FAM184A: variants seen among roughly 807,000 people sequenced by gnomAD.
The protein encoded by FAM184A is family with sequence similarity 184 member A.
Under a neutral mutation model 143.8 loss-of-function variants are expected in FAM184A, and 99 were observed. The ratio of observed to expected loss-of-function variants is 0.69; its 90% CI spans 0.58 to 0.81. The LOEUF (loss-of-function observed/expected upper bound fraction) is 0.81. FAM184A is among the 40% of genes least tolerant of loss of function. FAM184A has a pLI of 0.00. For missense variants in FAM184A, 1,217 were observed against 1,310.5 expected, an observed-to-expected ratio of 0.93 and a Z score of 1.10; for synonymous variants, 427 against 446.4, an observed-to-expected ratio of 0.96 and a Z score of 0.55.
At chr6:119,132,730 C>T (rs936178218) in intron 1 of FAM184A, among the ~76,000 whole-genome samples, 1 of 152,264 alleles carries the variant, frequency 6.6e-6, no homozygotes, top group African/African-American at 2.4e-5. Context: ...TCTTTTGCAA[C>T]ACAGTGACCC....
In FAM184A at chr6:119,004,684, G is replaced by A. The variant is rs190795548; in HGVS notation, c.1816-1062C>T. The stretch of plus-strand genomic sequence containing the variant: ...CTTGGTCTTAAGGAGCTTACGCAGA[G>A]TTGTGGTAAACCAGGATGCAGCATC... On this transcript the variant is annotated intron_variant, in intron 7 of 17. Transcript: ENST00000338891. Among the ~76,000 whole-genome samples, 1,083 of 152,348 alleles carry A rather than the reference G, an allele frequency of 7.1e-3. 4 individuals carry two copies. The highest frequency in any genetic ancestry group is 0.011 in the Non-Finnish European group (761 of 68,036).
At chr6:119,077,177 T>G (rs1787903605) in intron 1 of FAM184A, among the ~76,000 whole-genome samples, 2 of 152,168 alleles carry the variant, frequency 1.3e-5, no homozygotes, top group South Asian at 4.1e-4. Flanking sequence ...CAACCAGCAA[T>G]GGGATTATGT....
At chr6:119,010,097 C>A (rs1785045025) in intron 6 of FAM184A, among the ~76,000 whole-genome samples, 1 of 152,186 alleles carries the variant, frequency 6.6e-6, no homozygotes, top group South Asian at 2.1e-4. Flanking sequence ...GAAAGAGAAG[C>A]AAACAAAACT....
At chr6:119,128,887 GTT>G (rs56356208) in intron 1 of FAM184A, among the ~76,000 whole-genome samples, 15,940 of 150,100 alleles carry the variant, frequency 0.11, 987 homozygotes, top group East Asian at 0.26. Context: ...TCCCTTACTA[GTT>G]TTTTTTTTTC....
Position 119,078,008 on chromosome 6 carries a change from T to C in FAM184A, c.159+133A>G, listed in dbSNP as rs545957198. 5 of 1,079,660 alleles carry C rather than the reference T, an allele frequency of 4.6e-6. No individual in the cohort carries two copies. In the Admixed American group the frequency reaches 1.3e-4, roughly 28 times the overall value. The allele number at this position is 1,079,660 out of a possible 1,614,324, so 66.9% of individuals were successfully genotyped here. A position where few individuals can be genotyped will look rare whatever the true frequency, so the allele number is the denominator to read the frequency against. ...AAGTTTGCAGGGTTTTGGAGGTGTC[T>C]CCGGCTGTTGCTTCGGCGGAGGAGT... On this transcript the variant is annotated intron_variant, in intron 1 of 17. Transcript: ENST00000338891. The surrounding 1 kb of genome is among the most constrained non-coding windows in gnomAD (Gnocchi z 5.5).
intron 9 of FAM184A, among the ~76,000 whole-genome samples, chr6:118,997,646 A>T (rs537352529): frequency 2.6e-5 from 4 of 151,896 alleles, no homozygotes; most frequent in Non-Finnish European, 4.4e-5. Flanking sequence ...CAGTGGGCTG[A>T]GATTGCACAA....
At chr6:119,045,279 A>G (rs1003969092) in intron 1 of FAM184A, among the ~76,000 whole-genome samples, 3 of 136,262 alleles carry the variant, frequency 2.2e-5, no homozygotes, top group Non-Finnish European at 4.6e-5. Context: ...CAGTATAACT[A>G]TCAGTTTCTC....
chr6:119,014,931 C>T (rs1184362895), intron 5 of FAM184A, among the ~76,000 whole-genome samples: 2 of 151,884 alleles, frequency 1.3e-5, no homozygotes, highest in African/African-American at 2.4e-5. Context: ...TGGTGGCATG[C>T]GCCTGTAGTC....
intron 9 of FAM184A, among the ~76,000 whole-genome samples, chr6:118,981,519 A>G (rs536762595): frequency 3.2e-4 from 49 of 152,354 alleles, no homozygotes; most frequent in Non-Finnish European, 5.9e-4. Flanking sequence ...GAAGGCAGAC[A>G]TAAGTTGCCT....
At chr6:119,142,651 C>A (rs192859965) in intron 1 of FAM184A, among the ~76,000 whole-genome samples, 62 of 152,300 alleles carry the variant, frequency 4.1e-4, no homozygotes, top group African/African-American at 1.5e-3. Flanking sequence ...CATTACTCCT[C>A]TCCAGTACGA....
intron 1 of FAM184A, among the ~76,000 whole-genome samples, chr6:119,085,024 A>G (rs1349712216): frequency 2.0e-5 from 3 of 152,150 alleles, no homozygotes; most frequent in African/African-American, 4.8e-5. Context: ...GTGATGGGAG[A>G]GGTTACCTTC....
chr6:118,976,133 CA>C, intron 11 of FAM184A, 89 bp from the exon 12 acceptor site: 1 of 1,295,672 alleles, frequency 7.7e-7, no homozygotes, highest in Non-Finnish European at 1.1e-6. Context: ...AAAATTATTT[CA>C]AAAATTAGAA....
chr6:119,112,487 C>T (rs575251600), intron 1 of FAM184A, among the ~76,000 whole-genome samples: 18 of 152,258 alleles, frequency 1.2e-4, no homozygotes, highest in South Asian at 8.3e-4. Context: ...AGGTTTAAAC[C>T]GTTTAGAAAA....
intron 1 of FAM184A, among the ~76,000 whole-genome samples, chr6:119,119,887 G>C (rs764711432): frequency 2.8e-4 from 43 of 152,212 alleles, no homozygotes; most frequent in African/African-American, 9.7e-4. Context: ...AGGAGGCTGA[G>C]TTGAGAGGAT....
chr6:118,969,554 A>G (rs1196013847), intron 14 of FAM184A, among the ~76,000 whole-genome samples: 2 of 152,314 alleles, frequency 1.3e-5, no homozygotes. Flanking sequence ...TCAAGCCAAG[A>G]CTAGTCAATA....
chr6:119,081,031 A>G (rs970012223), upstream of FAM184A, among the ~76,000 whole-genome samples: 3 of 152,106 alleles, frequency 2.0e-5, no homozygotes, highest in Non-Finnish European at 2.9e-5. Flanking sequence ...GAGGTGCTAC[A>G]CGCTTTTAAA....
intron 6 of FAM184A, chr6:119,009,662 T>C (rs562777263): frequency 1.3e-5 from 2 of 152,360 alleles, no homozygotes; most frequent in Admixed American, 1.3e-4. Context: ...CTCAGAGCGT[T>C]TGCATAAGCT....
At chr6:118,994,549 G>A (rs1256222253) in intron 9 of FAM184A, among the ~76,000 whole-genome samples, 1 of 151,922 alleles carries the variant, frequency 6.6e-6, no homozygotes, top group Non-Finnish European at 1.5e-5. Context: ...AGCTGGGCAT[G>A]GTTGCGCGCA....
intron 1 of FAM184A, among the ~76,000 whole-genome samples, chr6:119,104,298 T>C (rs9387634): frequency 0.63 from 96,600 of 152,148 alleles, 31,359 homozygotes; most frequent in East Asian, 0.96. Flanking sequence ...TGAGCCACCA[T>C]GCCTGGCCAA....
Sources: allele counts gnomAD v4.1 joint callset (sites outside exome capture counted in the v4.1 genomes callset), GRCh38; gene constraint gnomAD v4.1.1; non-coding constraint Gnocchi (gnomAD v3.1); transcripts MANE v1.5; gene names NCBI Gene and HGNC (gene_info 2026-07-23, HGNC 2026-07-21).